DGAT2: variants seen among roughly 807,000 people sequenced by gnomAD.
The protein encoded by DGAT2 is diacylglycerol O-acyltransferase 2.
A neutral mutation model predicts 48.4 loss-of-function variants in DGAT2; 33 were observed. That is an observed-to-expected ratio of 0.68 (90% CI 0.52 to 0.91). The LOEUF (loss-of-function observed/expected upper bound fraction) is 0.91. Ranked by LOEUF, DGAT2 falls within the 40% of genes least tolerant of loss-of-function variation. The pLI, the probability that DGAT2 is intolerant of heterozygous loss-of-function variation, is 0.00. For missense variants in DGAT2, 446 were observed against 493.7 expected, an observed-to-expected ratio of 0.90 and a Z score of 0.92; for synonymous variants, 191 against 194.1, an observed-to-expected ratio of 0.98 and a Z score of 0.13.
In DGAT2 at chr11:75,801,485, A is replaced by G. The variant is rs1945112123; in HGVS notation, c.*977A>G. On this transcript the variant is annotated 3_prime_UTR_variant, in exon 8 of 8. Coordinates refer to ENST00000228027, the MANE Select transcript of DGAT2 (RefSeq NM_032564.5). ...TATCTCTTGATGAGATCATTGCACC[A>G]TGTCAGACTTTTGTATATGCCTTGA... 6.6e-6 allele frequency: 1 copy of G among 152,624 alleles called. No individual in the cohort carries two copies. Among genetic ancestry groups the G allele is most frequent in the Non-Finnish European group, 1.5e-5 (1 of 68,030 alleles). The allele number at this position is 152,624 out of a possible 1,614,324, so 9.5% of individuals were successfully genotyped here.
In DGAT2 at chr11:75,798,445, G is replaced by T. The variant is rs771976598; in HGVS notation, c.1012+16G>T. The T allele has an allele frequency of 6.2e-7, 1 of 1,610,610 alleles. No individual in the cohort carries two copies. Among genetic ancestry groups the T allele is most frequent in the African/African-American group, 1.3e-5 (1 of 74,998 alleles). On this transcript the variant is annotated intron_variant, in intron 7 of 7. Coordinates refer to ENST00000228027, the MANE Select transcript of DGAT2 (RefSeq NM_032564.5). ...ACCACTGTTGGTAAGCCCCTAGCCT[G>T]CAGACCAAGGGCTGTCCTGAACACA... is the stretch of plus-strand genomic sequence containing the variant.
At chr11:75,769,962 C>T (rs948739099) in intron 1 of DGAT2, among the ~76,000 whole-genome samples, 3 of 152,102 alleles carry the variant, frequency 2.0e-5, no homozygotes, top group Non-Finnish European at 2.9e-5. Flanking sequence ...TCTTTAGTAA[C>T]TAACGGTCGC....
intron 7 of DGAT2, 87 bp downstream of exon 7, chr11:75,798,516 G>A: frequency 2.1e-6 from 3 of 1,454,418 alleles, no homozygotes; most frequent in Non-Finnish European, 1.9e-6. Context: ...TTCCAATGCA[G>A]GCCACCTGGC....
intron 1 of DGAT2, among the ~76,000 whole-genome samples, chr11:75,770,302 C>G (rs1944744741): frequency 6.6e-6 from 1 of 152,146 alleles, no homozygotes; most frequent in Non-Finnish European, 1.5e-5. Flanking sequence ...TAGGCATTGG[C>G]ATTGCTTCTT....
chr11:75,800,808 G>T lies in DGAT2; in HGVS notation c.*300G>T. ...GAAACTCAGTCTTCTTGGGGAAGAAGGATTGCCATTAGTGACTTGGACCAG... is the reference window on the plus strand; with the variant it reads ...GAAACTCAGTCTTCTTGGGGAAGAATGATTGCCATTAGTGACTTGGACCAG... On this transcript the variant is annotated 3_prime_UTR_variant, in exon 8 of 8. Coordinates refer to ENST00000228027, the MANE Select transcript of DGAT2 (RefSeq NM_032564.5). 1 of 326,640 alleles carries T rather than the reference G, an allele frequency of 3.1e-6. No individual in the cohort carries two copies. Among genetic ancestry groups the T allele is most frequent in the Non-Finnish European group, 5.7e-6 (1 of 175,038 alleles). 20.2% of individuals were successfully genotyped at this position (326,640 alleles called of 1,614,324 possible). A position where few individuals can be genotyped will look rare whatever the true frequency, so the allele number is the denominator to read the frequency against.
intron 1 of DGAT2, among the ~76,000 whole-genome samples, chr11:75,782,074 C>T (rs1291372328): frequency 2.0e-5 from 3 of 152,138 alleles, no homozygotes; most frequent in Admixed American, 1.3e-4. Context: ...CTCTTCCCTA[C>T]GCACCCCTCA....
intron 1 of DGAT2, among the ~76,000 whole-genome samples, chr11:75,771,769 T>A (rs1254026620): frequency 6.6e-6 from 1 of 152,088 alleles, no homozygotes; most frequent in Non-Finnish European, 1.5e-5. Flanking sequence ...AGAGGCCACT[T>A]TGGGGCTGCG....
intron 2 of DGAT2, among the ~76,000 whole-genome samples, chr11:75,788,222 G>C (rs1229760200): frequency 6.6e-6 from 1 of 152,190 alleles, no homozygotes; most frequent in Non-Finnish European, 1.5e-5. Context: ...TAGAGTCTGG[G>C]GGGCTAGAGT....
Position 75,800,733 on chromosome 11 carries a change from A to C in DGAT2, c.*225A>C. 1.9e-6 allele frequency: 1 copy of C among 527,946 alleles called. No individual in the cohort carries two copies. Among genetic ancestry groups the C allele is most frequent in the Non-Finnish European group, 3.3e-6 (1 of 303,438 alleles). The allele number at this position is 527,946 out of a possible 1,614,324, so 32.7% of individuals were successfully genotyped here. On this transcript the variant is annotated 3_prime_UTR_variant, in exon 8 of 8. Transcript: ENST00000228027. ...TAGGTGGTGGCTAAATCTGGGCCTAATCTGGGTGGCTCAGCTAACCTCTCT... is the reference window on the plus strand; with the variant it reads ...TAGGTGGTGGCTAAATCTGGGCCTACTCTGGGTGGCTCAGCTAACCTCTCT...
At chr11:75,772,587 GC>G (rs1944769061) in intron 1 of DGAT2, among the ~76,000 whole-genome samples, 1 of 152,158 alleles carries the variant, frequency 6.6e-6, no homozygotes, top group African/African-American at 2.4e-5. Context: ...AATCTAGAGA[GC>G]CACTTCCAAT....
intron 1 of DGAT2, among the ~76,000 whole-genome samples, chr11:75,780,877 T>C (rs1030313549): frequency 1.3e-5 from 2 of 152,348 alleles, no homozygotes; most frequent in African/African-American, 4.8e-5. Flanking sequence ...CCCAAAGCTT[T>C]ATGGGCCTCT....
intron 7 of DGAT2, among the ~76,000 whole-genome samples, chr11:75,798,694 C>A (rs1211940866): frequency 6.6e-6 from 1 of 152,146 alleles, no homozygotes. Context: ...ACCCACTAGT[C>A]TATCAGGGAA....
At chr11:75,779,710 C>T (rs2135763117) in intron 1 of DGAT2, among the ~76,000 whole-genome samples, 1 of 152,296 alleles carries the variant, frequency 6.6e-6, no homozygotes, top group African/African-American at 2.4e-5. Flanking sequence ...GGGAATCTTC[C>T]CCTACAGCCT....
intron 1 of DGAT2, among the ~76,000 whole-genome samples, chr11:75,780,126 C>T (rs559497301): frequency 5.3e-5 from 8 of 152,262 alleles, no homozygotes; most frequent in African/African-American, 1.9e-4. Context: ...AGGGACTTGG[C>T]TGGATGCTGA....
At chr11:75,797,547 G>A (rs1395338830) in intron 6 of DGAT2, among the ~76,000 whole-genome samples, 1 of 152,248 alleles carries the variant, frequency 6.6e-6, no homozygotes, top group African/African-American at 2.4e-5. Flanking sequence ...CCTGTGGCCT[G>A]TGGGCCCTTG....
In DGAT2 at chr11:75,769,049, G is replaced by A; in HGVS notation, c.58G>A (p.Ala20Thr). ...CCTGCGCGGCGAGCGTCAGGCCGAG[G>A]CTGACCGGAGCCAGCGCTCTCACGG... ...GVLRGERQAE[A>T]DRSQRSHGGP... Residue 20 changes from alanine to threonine, a missense_variant, in exon 1 of 8, where the codon GCT becomes ACT. Coordinates refer to ENST00000228027, the MANE Select transcript of DGAT2 (RefSeq NM_032564.5). The A allele has an allele frequency of 6.3e-7, 1 of 1,580,218 alleles. No individual in the cohort carries two copies. The highest frequency in any genetic ancestry group is 1.1e-5 in the South Asian group (1 of 87,630).
Position 75,768,916 on chromosome 11 carries a change from C to G in DGAT2, c.-76C>G, listed in dbSNP as rs1378784121. 2 of 1,362,862 alleles carry G rather than the reference C, an allele frequency of 1.5e-6. No homozygotes were observed. The highest frequency in any genetic ancestry group is 3.1e-5 in the African/African-American group (2 of 65,194). The allele number at this position is 1,362,862 out of a possible 1,614,324, so 84.4% of individuals were successfully genotyped here. On this transcript the variant is annotated 5_prime_UTR_variant, in exon 1 of 8. Coordinates refer to ENST00000228027, the MANE Select transcript of DGAT2 (RefSeq NM_032564.5). ...CTGTGCTCTGCGCGAAGCCCTGGCC[C>G]CGGGGGCCGGGGCATGGGCCAGGGG...
intron 1 of DGAT2, among the ~76,000 whole-genome samples, chr11:75,773,168 A>G (rs1555058350): frequency 6.6e-6 from 1 of 152,162 alleles, no homozygotes; most frequent in Non-Finnish European, 1.5e-5. Context: ...CTCTTGGAGG[A>G]AGCCCTGCTT....
chr11:75,787,065 ATTTTT>A (rs550898147), intron 2 of DGAT2, among the ~76,000 whole-genome samples: 3 of 150,536 alleles, frequency 2.0e-5, no homozygotes, highest in African/African-American at 7.3e-5. Context: ...AGAAGAAATG[ATTTTT>A]TTTAAGATAT....
Sources: allele counts gnomAD v4.1 joint callset (sites outside exome capture counted in the v4.1 genomes callset), GRCh38; gene constraint gnomAD v4.1.1; transcripts MANE v1.5; gene names NCBI Gene and HGNC (gene_info 2026-07-23, HGNC 2026-07-21).